TSPAN5: variants seen among roughly 807,000 people sequenced by gnomAD.
TSPAN5 encodes the protein tetraspanin-5.
A neutral mutation model predicts 37.1 loss-of-function variants in TSPAN5; 10 were observed. The ratio of observed to expected loss-of-function variants is 0.27; its 90% CI spans 0.17 to 0.46. The LOEUF (loss-of-function observed/expected upper bound fraction) is 0.46. TSPAN5 is among the 20% of genes least tolerant of loss of function. The pLI, the probability that TSPAN5 is intolerant of heterozygous loss-of-function variation, is 1.00. For missense variants in TSPAN5, 195 were observed against 326.6 expected (o/e 0.60, Z 3.11); for synonymous variants, 110 against 118.9 (o/e 0.93, Z 0.48).
intron 1 of TSPAN5, among the ~76,000 whole-genome samples, chr4:98,528,758 T>G (rs1434350543): frequency 6.6e-6 from 1 of 152,212 alleles, no homozygotes; most frequent in African/African-American, 2.4e-5. Context: ...CTTTTTTTAT[T>G]GTACATTTAC....
At chr4:98,494,035 G>C in intron 2 of TSPAN5, among the ~76,000 whole-genome samples, 1 of 152,106 alleles carries the variant, frequency 6.6e-6, no homozygotes, top group Non-Finnish European at 1.5e-5. Flanking sequence ...ACTTAGCAAA[G>C]AGACCAGTAT....
At chr4:98,542,130 G>A (rs1754372523) in intron 1 of TSPAN5, among the ~76,000 whole-genome samples, 1 of 152,062 alleles carries the variant, frequency 6.6e-6, no homozygotes, top group African/African-American at 2.4e-5. Flanking sequence ...TATCTTACCT[G>A]ACGGGGTTCT....
chr4:98,551,020 T>C (rs1031341119), intron 1 of TSPAN5, among the ~76,000 whole-genome samples: 1 of 152,208 alleles, frequency 6.6e-6, no homozygotes, highest in Non-Finnish European at 1.5e-5. Flanking sequence ...AGGTTTGTCA[T>C]ATATGGCCTT....
intron 7 of TSPAN5, among the ~76,000 whole-genome samples, chr4:98,474,359 C>T (rs1249241248): frequency 6.6e-6 from 1 of 152,050 alleles, no homozygotes; most frequent in Admixed American, 6.5e-5. Flanking sequence ...GAGCTTATTT[C>T]ATCTTCTTTT....
At position 98,551,133 on chromosome 4, in the gene TSPAN5, C is replaced by T. The variant is rs374863333; in HGVS notation, c.82-43405G>A. Among the ~76,000 whole-genome samples, 155 of 149,370 alleles carry T rather than the reference C, an allele frequency of 1.0e-3. 1 individual carries two copies. The highest frequency in any genetic ancestry group is 3.5e-3 in the African/African-American group (136 of 39,164). On this transcript the variant is annotated intron_variant, in intron 1 of 7. Coordinates refer to ENST00000305798, the MANE Select transcript of TSPAN5 (RefSeq NM_005723.4). ...ATGCTTTTTTCTGCATCTATTGAGA[C>T]GATCATATGTTTTTGTCCTTAATTC...
intron 1 of TSPAN5, among the ~76,000 whole-genome samples, chr4:98,631,951 T>C (rs76457983): frequency 0.024 from 3,730 of 152,266 alleles, 70 homozygotes; most frequent in Middle Eastern, 0.054. Context: ...CACTACCTTC[T>C]TTGAGTCTTT....
At chr4:98,587,707 G>A (rs1376479219) in intron 1 of TSPAN5, among the ~76,000 whole-genome samples, 1 of 152,100 alleles carries the variant, frequency 6.6e-6, no homozygotes, top group Admixed American at 6.5e-5. Flanking sequence ...GACCAATATG[G>A]TGAAACCCTG....
chr4:98,476,551 T>A, intron 5 of TSPAN5, 91 bp from the exon 6 acceptor site: 2 of 1,182,512 alleles, frequency 1.7e-6, no homozygotes, highest in Non-Finnish European at 2.5e-6. Context: ...TACGCATTAG[T>A]AATAAAATGT....
chr4:98,639,728 C>T lies in TSPAN5; in HGVS notation c.81+18418G>A, dbSNP rs564436827. 2.0e-3 allele frequency among the ~76,000 whole-genome samples: 303 copies of T among 152,292 alleles called. 3 individuals are homozygous for T. Among genetic ancestry groups the T allele is most frequent in the African/African-American group, 6.4e-3 (267 of 41,554 alleles). ...CAACCCAGCTTTTGCTTCTTTCCTT[C>T]CTTTCTGTTTCACTTTCTTCACCAT... On this transcript the variant is annotated intron_variant, in intron 1 of 7. Transcript: ENST00000305798.
At chr4:98,554,653 A>G (rs1372468223) in intron 1 of TSPAN5, among the ~76,000 whole-genome samples, 1 of 152,204 alleles carries the variant, frequency 6.6e-6, no homozygotes, top group Non-Finnish European at 1.5e-5. Flanking sequence ...ACGCTTTTTA[A>G]TATAAGAATC....
intron 1 of TSPAN5, among the ~76,000 whole-genome samples, chr4:98,582,689 TAAC>T (rs1176210565): frequency 6.6e-6 from 1 of 152,212 alleles, no homozygotes; most frequent in Non-Finnish European, 1.5e-5. Flanking sequence ...GATATCTTTC[TAAC>T]AGCTTATTTT....
intron 1 of TSPAN5, among the ~76,000 whole-genome samples, chr4:98,632,202 T>C (rs1756764395): frequency 6.6e-6 from 1 of 152,292 alleles, no homozygotes; most frequent in South Asian, 2.1e-4. Flanking sequence ...TGCCTCCCAC[T>C]ATCATATTCC....
At chr4:98,570,381 G>A (rs777821752) in intron 1 of TSPAN5, among the ~76,000 whole-genome samples, 7 of 152,272 alleles carry the variant, frequency 4.6e-5, no homozygotes, top group South Asian at 4.1e-4. Flanking sequence ...CAAACCATAC[G>A]TAAGGCACTG....
In TSPAN5 at chr4:98,511,568, T is replaced by C. The variant is rs1440883212; in HGVS notation, c.82-3840A>G. ...CACCATTGTATATGCAGTTGGCTGT[T>C]AACTGAAACATCATTATATGGCACA... On this transcript the variant is annotated intron_variant, in intron 1 of 7. Coordinates refer to ENST00000305798, the MANE Select transcript of TSPAN5 (RefSeq NM_005723.4). Among the ~76,000 whole-genome samples, 12 of 152,230 alleles carry C rather than the reference T, an allele frequency of 7.9e-5. 1 individual carries two copies. The highest frequency in any genetic ancestry group is 7.9e-4 in the Admixed American group (12 of 15,282).
chr4:98,484,312 A>G lies in TSPAN5; in HGVS notation c.280-2137T>C, dbSNP rs551807277. ...CATTTTGCAGTATCTTAGTTCCTAG[A>G]TTTTCCCTCAGCAAGTCTCCTAGGG... On this transcript the variant is annotated intron_variant, in intron 3 of 7. Transcript: ENST00000305798. 1.1e-4 allele frequency: 42 copies of G among 393,508 alleles called. 1 individual carries two copies. Among genetic ancestry groups the G allele is most frequent in the Non-Finnish European group, 2.0e-4 (41 of 203,932 alleles). The allele number at this position is 393,508 out of a possible 1,614,324, so 24.4% of individuals were successfully genotyped here.
intron 1 of TSPAN5, among the ~76,000 whole-genome samples, chr4:98,514,542 C>A (rs569837225): frequency 9.9e-5 from 15 of 152,184 alleles, no homozygotes; most frequent in African/African-American, 3.6e-4. Context: ...TCAAACTGTC[C>A]GGAGTCCTCA....
At chr4:98,518,022 G>T (rs1424555594) in intron 1 of TSPAN5, among the ~76,000 whole-genome samples, 1 of 151,954 alleles carries the variant, frequency 6.6e-6, no homozygotes, top group Non-Finnish European at 1.5e-5. Flanking sequence ...TGAGTTATAA[G>T]CTCTCTCTAA....
chr4:98,599,449 G>T (rs1755833728), intron 1 of TSPAN5, among the ~76,000 whole-genome samples: 1 of 152,078 alleles, frequency 6.6e-6, no homozygotes, highest in African/African-American at 2.4e-5. Context: ...CAACTTTGAG[G>T]TATAATTTAC....
At chr4:98,508,937 A>G (rs933961450) in intron 1 of TSPAN5, among the ~76,000 whole-genome samples, 3 of 120,752 alleles carry the variant, frequency 2.5e-5, no homozygotes, top group Non-Finnish European at 5.2e-5. Context: ...AATCCATGGT[A>G]TCTCATAATT....
Sources: allele counts gnomAD v4.1 joint callset (sites outside exome capture counted in the v4.1 genomes callset), GRCh38; gene constraint gnomAD v4.1.1; transcripts MANE v1.5; gene names NCBI Gene and HGNC (gene_info 2026-07-23, HGNC 2026-07-21).